Variants in PDE10A observed in about 807,000 individuals in gnomAD.
PDE10A encodes cAMP and cAMP-inhibited cGMP 3',5'-cyclic phosphodiesterase 10A.
PDE10A carries 39 observed loss-of-function variants against 97.7 expected under a neutral mutation model. The observed-to-expected ratio is 0.40, with a 90% CI of 0.31 to 0.52. PDE10A has a LOEUF of 0.52. PDE10A is among the 20% of genes least tolerant of loss of function. PDE10A has a pLI of 0.56. For synonymous variants in PDE10A, 371 were observed against 376.8 expected, an observed-to-expected ratio of 0.98 and a Z score of 0.18; for missense variants, 731 against 1,047.8, an observed-to-expected ratio of 0.70 and a Z score of 4.17.
intron 1 of PDE10A, among the ~76,000 whole-genome samples, chr6:165,738,134 GTA>G (rs927689969): frequency 4.5e-4 from 68 of 150,600 alleles, no homozygotes; most frequent in Non-Finnish European, 7.7e-4. Context: ...CTAGCAATAG[GTA>G]TATCTCCCAG....
At chr6:165,394,842 G>C (rs923485483) in intron 15 of PDE10A, among the ~76,000 whole-genome samples, 4 of 151,874 alleles carry the variant, frequency 2.6e-5, no homozygotes, top group African/African-American at 9.7e-5. Flanking sequence ...TTTTTCATAT[G>C]TTTACTAGCT....
intron 1 of PDE10A, among the ~76,000 whole-genome samples, chr6:165,903,181 G>A (rs1477220069): frequency 1.3e-5 from 2 of 152,284 alleles, no homozygotes; most frequent in African/African-American, 2.4e-5. Context: ...ACAGAATTTT[G>A]TAAGGGTTCG....
chr6:165,838,284 G>A (rs1216915228), intron 1 of PDE10A, among the ~76,000 whole-genome samples: 1 of 152,194 alleles, frequency 6.6e-6, no homozygotes, highest in Non-Finnish European at 1.5e-5. Context: ...CCAAAACAAA[G>A]TGAAGCCGGG....
chr6:165,620,234 C>T (rs1270734526), intron 1 of PDE10A, among the ~76,000 whole-genome samples: 4 of 152,180 alleles, frequency 2.6e-5, no homozygotes, highest in Non-Finnish European at 4.4e-5. Context: ...AGGAGGATAA[C>T]ATCAAATAAA....
intron 1 of PDE10A, chr6:165,660,030 G>C (rs1245450176): frequency 6.6e-6 from 1 of 152,256 alleles, no homozygotes; most frequent in African/African-American, 2.4e-5. Context: ...CTGCAAGATA[G>C]AGCGTTCTTC....
chr6:165,486,780 T>A (rs1384968980), intron 2 of PDE10A, among the ~76,000 whole-genome samples: 1 of 152,232 alleles, frequency 6.6e-6, no homozygotes, highest in African/African-American at 2.4e-5. Flanking sequence ...ACTTGCTTAC[T>A]TGTGTGACCT....
chr6:165,375,801 A>G (rs1224457913), intron 18 of PDE10A, among the ~76,000 whole-genome samples: 1 of 152,232 alleles, frequency 6.6e-6, no homozygotes, highest in Non-Finnish European at 1.5e-5. Context: ...AGGGTCCTTA[A>G]GAATTATGCT....
At chr6:165,663,858 C>A (rs528508690), upstream of PDE10A, among the ~76,000 whole-genome samples, 131 of 152,344 alleles carry the variant, frequency 8.6e-4, no homozygotes, top group Non-Finnish European at 1.3e-3. Flanking sequence ...ACCCCCACCC[C>A]CTTCCGTAGC....
intron 1 of PDE10A, among the ~76,000 whole-genome samples, chr6:165,833,951 A>G (rs922062192): frequency 2.6e-5 from 4 of 152,228 alleles, no homozygotes; most frequent in African/African-American, 9.6e-5. Context: ...CAGTCTGCCT[A>G]GAACACAGTC....
intron 1 of PDE10A, among the ~76,000 whole-genome samples, chr6:165,774,513 T>A (rs1778109304): frequency 1.4e-5 from 2 of 147,998 alleles, no homozygotes; most frequent in African/African-American, 4.9e-5. Context: ...ACCTATATAT[T>A]TATATATTAC....
chr6:165,446,880 T>G (rs1400257342), intron 5 of PDE10A, among the ~76,000 whole-genome samples: 2 of 152,142 alleles, frequency 1.3e-5, no homozygotes, highest in African/African-American at 4.8e-5. Context: ...GTAAATGGAC[T>G]GACCTTAGGA....
At chr6:165,747,861 G>C (rs372868908) in intron 1 of PDE10A, among the ~76,000 whole-genome samples, 4 of 152,180 alleles carry the variant, frequency 2.6e-5, no homozygotes, top group Admixed American at 6.5e-5. Context: ...CTCCTTGCTT[G>C]TTTCTCTTCT....
chr6:165,810,140 G>A (rs1343419128), intron 1 of PDE10A, among the ~76,000 whole-genome samples: 1 of 152,132 alleles, frequency 6.6e-6, no homozygotes, highest in Non-Finnish European at 1.5e-5. Context: ...GTTCAGGAGA[G>A]GTGAACTGGT....
At chr6:165,935,921 G>C (rs1783310252) in intron 1 of PDE10A, among the ~76,000 whole-genome samples, 1 of 152,192 alleles carries the variant, frequency 6.6e-6, no homozygotes, top group South Asian at 2.1e-4. Context: ...CCAGAACTGT[G>C]AGCCAAATAA....
At chr6:165,367,203 C>T (rs572664727) in intron 18 of PDE10A, among the ~76,000 whole-genome samples, 2 of 150,428 alleles carry the variant, frequency 1.3e-5, no homozygotes, top group Non-Finnish European at 3.0e-5. Flanking sequence ...AATCCCAGAA[C>T]TTGAAAATAT....
intron 2 of PDE10A, among the ~76,000 whole-genome samples, chr6:165,483,735 G>A (rs1054547538): frequency 1.3e-5 from 2 of 152,186 alleles, no homozygotes; most frequent in African/African-American, 4.8e-5. Flanking sequence ...ACCGCATAGA[G>A]TCACCTAGCT....
chr6:165,738,775 A>AT (rs1412240300), intron 1 of PDE10A, among the ~76,000 whole-genome samples: 3 of 152,090 alleles, frequency 2.0e-5, no homozygotes, highest in Non-Finnish European at 4.4e-5. Flanking sequence ...GATGGTGAGC[A>AT]TTTTTTCATG....
intron 1 of PDE10A, among the ~76,000 whole-genome samples, chr6:165,783,187 C>G (rs112593705): frequency 6.6e-6 from 1 of 152,216 alleles, no homozygotes. Context: ...AAGCCCCTTA[C>G]TAGTGGCTGC....
chr6:165,379,087 A>G, intron 18 of PDE10A, 107 bp downstream of exon 18: 1 of 687,404 alleles, frequency 1.5e-6, no homozygotes, highest in Non-Finnish European at 2.4e-6. Context: ...TAAATTTTTT[A>G]CATTCCTTCT....
Sources: gnomAD v4.1 joint callset for allele counts (sites outside exome capture counted in the v4.1 genomes callset) on GRCh38, gnomAD v4.1.1 for gene constraint, MANE v1.5 for transcripts, NCBI Gene and HGNC (gene_info 2026-07-23, HGNC 2026-07-21) for gene names.